HOXC6: variants seen among roughly 807,000 people sequenced by gnomAD.
The protein encoded by HOXC6 is homeobox C6.
HOXC6 carries 10 observed loss-of-function variants against 24.0 expected under a neutral mutation model. That is an observed-to-expected ratio of 0.42 (90% CI 0.26 to 0.71). HOXC6 has a LOEUF of 0.71. Among genes scored for constraint, HOXC6 ranks in the 30% least tolerant of loss-of-function variants. The pLI is 0.28. For synonymous variants in HOXC6, 123 were observed against 128.1 expected (o/e 0.96, Z 0.27); for missense variants, 258 against 303.4 (o/e 0.85, Z 1.11).
At chr12:54,019,392 G>C (rs1370807207) in intron 1 of HOXC6, among the ~76,000 whole-genome samples, 1 of 152,206 alleles carries the variant, frequency 6.6e-6, no homozygotes, top group Non-Finnish European at 1.5e-5. Context: ...GGAACCCGGA[G>C]TCTGTGGGAC....
upstream of HOXC6, among the ~76,000 whole-genome samples, chr12:54,025,531 G>T (rs897414919): frequency 5.8e-4 from 26 of 44,592 alleles, 1 homozygote; most frequent in South Asian, 1.2e-3. Flanking sequence ...GGTAATTGGG[G>T]GGGGGGGAGG....
At chr12:54,024,655 GGTCCA>G (rs1298545246), upstream of HOXC6, among the ~76,000 whole-genome samples, 1 of 152,130 alleles carries the variant, frequency 6.6e-6, no homozygotes, top group African/African-American at 2.4e-5. Context: ...CTTCAGGCTG[GGTCCA>G]GTCCCACCCA....
At position 54,029,754 on chromosome 12, in the gene HOXC6, C is replaced by T; in HGVS notation, c.500C>T (p.Thr167Met). Residue 167 changes from threonine (T) to methionine (M), a missense_variant, in exon 2 of 2, where the codon ACG (threonine) becomes ATG (methionine). By Grantham distance (81) the Thr-to-Met change is moderately conservative. Coordinates refer to ENST00000243108, the MANE Select transcript of HOXC6 (RefSeq NM_004503.4). ...EKEFHFNRYL[T>M]RRRRIEIANA... The stretch of plus-strand genomic sequence containing the variant: ...GAATTTCACTTCAATCGCTACCTAA[C>T]GCGGCGCCGGCGCATCGAGATCGCC... 6.2e-7 allele frequency: 1 copy of T among 1,614,192 alleles called. No individual in the cohort carries two copies. The highest frequency in any genetic ancestry group is 8.5e-7 in the Non-Finnish European group (1 of 1,180,040).
chr12:54,025,747 C>A (rs1240187672), upstream of HOXC6, among the ~76,000 whole-genome samples: 1 of 152,286 alleles, frequency 6.6e-6, no homozygotes, highest in East Asian at 1.9e-4. Context: ...CTGAGGCTCA[C>A]ATTCTGCCTC....
intron 1 of HOXC6, 105 bp downstream of exon 1, chr12:54,029,026 AC>A: frequency 8.9e-7 from 1 of 1,117,538 alleles, no homozygotes; most frequent in Non-Finnish European, 1.3e-6. Context: ...CCCCATAAAA[AC>A]AATCACGCTC....
chr12:54,027,059 C>T (rs980613907), upstream of HOXC6, among the ~76,000 whole-genome samples: 1 of 151,966 alleles, frequency 6.6e-6, no homozygotes, highest in African/African-American at 2.4e-5. Context: ...ATCACGATAT[C>T]AAATTAAGTT....
chr12:54,020,666 A>C (rs1326401382), intron 1 of HOXC6: 1 of 152,186 alleles, frequency 6.6e-6, no homozygotes, highest in Non-Finnish European at 1.5e-5. Context: ...TTTTATGTTC[A>C]TGCAAAATTT....
In HOXC6 at chr12:54,030,063, G is replaced by GTT. The variant is rs1380111827; in HGVS notation, c.*104_*105dup. ...TATTTATCACTGGCACAATTGATGT[G>GTT]TTTTGATTCCCTAAAACAAAATTAG... On this transcript the variant is annotated 3_prime_UTR_variant, in exon 2 of 2. Coordinates refer to ENST00000243108, the MANE Select transcript of HOXC6 (RefSeq NM_004503.4). 69 of 1,211,754 alleles carry GTT rather than the reference G, an allele frequency of 5.7e-5. No individual in the cohort carries two copies. Among genetic ancestry groups the GTT allele is most frequent in the Non-Finnish European group, 7.6e-5 (67 of 886,680 alleles). The allele number at this position is 1,211,754 out of a possible 1,614,324, so 75.1% of individuals were successfully genotyped here.
chr12:54,028,532 A>G lies in HOXC6; in HGVS notation c.11A>G (p.Tyr4Cys), dbSNP rs577372679. MNS[Y>C]FTNPSLSCHL... Reference sequence around the variant, plus strand: ...GGTAAAGGCAAAGGGATGAATTCCTACTTCACTAACCCTTCCTTATCCTGC... The same window carrying G: ...GGTAAAGGCAAAGGGATGAATTCCTGCTTCACTAACCCTTCCTTATCCTGC... Residue 4 changes from tyrosine (Y) to cysteine (C), a missense_variant, in exon 1 of 2, where the codon TAC becomes TGC. By Grantham distance (194) the Tyr-to-Cys change is radical. Transcript: ENST00000243108. The G allele has an allele frequency of 1.9e-6, 3 of 1,613,746 alleles. No homozygotes were observed. In the African/African-American group the frequency reaches 4.0e-5, roughly 22 times the overall value.
upstream of HOXC6, chr12:54,028,422 T>C: frequency 7.5e-7 from 1 of 1,332,806 alleles, no homozygotes; most frequent in Non-Finnish European, 1.0e-6. Flanking sequence ...TTGTCTGTCC[T>C]GGATTGGAGC....
rs1940929351 is a variant in HOXC6, at chr12:54,030,178, CTTGCTAGCTCG to C, written c.*219_*229del. On this transcript the variant is annotated 3_prime_UTR_variant, in exon 2 of 2. Coordinates refer to ENST00000243108, the MANE Select transcript of HOXC6 (RefSeq NM_004503.4). ...CCACGCGCCTCCTCCTCCTCGCTCC[CTTGCTAGCTCG>C]TTCTCGGCTTGTCTACAGGCCCTTT... The C allele has an allele frequency of 2.0e-6, 1 of 500,312 alleles. No individual in the cohort carries two copies. The highest frequency in any genetic ancestry group is 3.5e-6 in the Non-Finnish European group (1 of 283,310). The allele number at this position is 500,312 out of a possible 1,614,324, so 31.0% of individuals were successfully genotyped here.
At chr12:54,022,795 G>A (rs1476401478) in intron 1 of HOXC6, among the ~76,000 whole-genome samples, 1 of 152,162 alleles carries the variant, frequency 6.6e-6, no homozygotes, top group East Asian at 1.9e-4. Context: ...TCACTGTGAT[G>A]TCATAATACC....
rs1185935317 is a variant in HOXC6 at position 54,030,717 on chromosome 12, AAAATAAAT to A, written c.*768_*775del. On this transcript the variant is annotated 3_prime_UTR_variant, in exon 2 of 2. Transcript: ENST00000243108. ...ATGACGTTTGTTTAGCCAGTAGGAG[AAAATAAAT>A]AAATAAATAAATCCCTTCGTGTTAC... The A allele has an allele frequency of 6.5e-6, 1 of 152,726 alleles. No individual in the cohort carries two copies. The highest frequency in any genetic ancestry group is 2.1e-4 in the South Asian group (1 of 4,830). 9.5% of individuals were successfully genotyped at this position (152,726 alleles called of 1,614,324 possible). A position where few individuals can be genotyped will look rare whatever the true frequency, so the allele number is the denominator to read the frequency against.
upstream of HOXC6, chr12:54,028,259 A>ATTT (rs1489225541): frequency 4.7e-5 from 8 of 168,478 alleles, no homozygotes; most frequent in African/African-American, 2.1e-4. Context: ...ATATATATAT[A>ATTT]TATATATATT....
intron 1 of HOXC6, chr12:54,020,449 A>G (rs1212804848): frequency 1.3e-5 from 2 of 152,222 alleles, no homozygotes; most frequent in African/African-American, 4.8e-5. Flanking sequence ...CTGGTCTGAC[A>G]GTTGTGATCC....
At chr12:54,026,313 G>A (rs891086817), upstream of HOXC6, among the ~76,000 whole-genome samples, 19 of 152,142 alleles carry the variant, frequency 1.2e-4, no homozygotes, top group African/African-American at 4.6e-4. Flanking sequence ...CCTCCAGGGG[G>A]CCTGAAGCCT....
At chr12:54,024,788 T>C (rs886795274), upstream of HOXC6, among the ~76,000 whole-genome samples, 5 of 151,998 alleles carry the variant, frequency 3.3e-5, no homozygotes, top group African/African-American at 9.7e-5. Flanking sequence ...CAGGCTGCAA[T>C]GCCACCCTTA....
At chr12:54,021,071 T>A (rs1940412614) in intron 1 of HOXC6, 1 of 152,452 alleles carries the variant, frequency 6.6e-6, no homozygotes, top group African/African-American at 2.4e-5. Context: ...GAGTGGTTAA[T>A]AAGGTGGCCT....
At chr12:54,026,969 G>T (rs965136271), upstream of HOXC6, among the ~76,000 whole-genome samples, 1 of 137,760 alleles carries the variant, frequency 7.3e-6, no homozygotes. Context: ...AATGGTGGGG[G>T]GGGGGGGATA....
Sources: gnomAD v4.1 joint callset for allele counts (sites outside exome capture counted in the v4.1 genomes callset) on GRCh38, gnomAD v4.1.1 for gene constraint, MANE v1.5 for transcripts, NCBI Gene and HGNC (gene_info 2026-07-23, HGNC 2026-07-21) for gene names.